MSRB3: variants seen among roughly 807,000 people sequenced by gnomAD.
MSRB3 encodes methionine-R-sulfoxide reductase B3.
In MSRB3, 13 loss-of-function variants were observed where a neutral mutation model predicts 21.0. The observed-to-expected ratio is 0.62, with a 90% confidence interval of 0.40 to 0.98. The LOEUF (loss-of-function observed/expected upper bound fraction) is 0.98. Ranked by LOEUF, MSRB3 falls within the 50% of genes least tolerant of loss-of-function variation. The probability of loss-of-function intolerance (pLI) is 0.00; values close to 1 mark genes in which losing one functional copy is unlikely to be tolerated. For missense variants in MSRB3, 199 were observed against 230.3 expected, an observed-to-expected ratio of 0.86 and a Z score of 0.88; for synonymous variants, 87 against 88.6, an observed-to-expected ratio of 0.98 and a Z score of 0.10.
At position 65,291,328 on chromosome 12, in the gene MSRB3, T is replaced by C. The variant is rs150402145; in HGVS notation, c.-52+12463T>C. ...CTTGAACTCCTGACCTCAGGTGATC[T>C]GCCCACCTCGGCCCCCCAAAGTGCT... is the stretch of plus-strand genomic sequence containing the variant. On this transcript the variant is annotated intron_variant, in intron 1 of 6. Coordinates refer to ENST00000308259, the MANE Select transcript of MSRB3 (RefSeq NM_001031679.3). 8.1e-3 allele frequency among the ~76,000 whole-genome samples: 1,238 copies of C among 152,096 alleles called. 18 individuals carry two copies. The highest frequency in any genetic ancestry group is 0.029 in the African/African-American group (1,196 of 41,496).
intron 1 of MSRB3, among the ~76,000 whole-genome samples, chr12:65,295,474 T>G (rs1373553702): frequency 6.6e-6 from 1 of 152,170 alleles, no homozygotes; most frequent in Non-Finnish European, 1.5e-5. Flanking sequence ...CACCACAACT[T>G]TTAATGTTAA....
chr12:65,375,097 G>A (rs1268423846), intron 5 of MSRB3, among the ~76,000 whole-genome samples: 1 of 150,846 alleles, frequency 6.6e-6, no homozygotes, highest in Non-Finnish European at 1.5e-5. Context: ...AGCTCGCCTC[G>A]GCCTCCCGAA....
rs780555275 is a variant in MSRB3 at position 65,278,696 on chromosome 12, C to G, written c.-221C>G. The G allele has an allele frequency of 7.4e-7, 1 of 1,345,586 alleles. No homozygotes were observed. The highest frequency in any genetic ancestry group is 1.4e-5 in the African/African-American group (1 of 69,418). The allele number at this position is 1,345,586 out of a possible 1,614,324, so 83.4% of individuals were successfully genotyped here. On this transcript the variant is annotated 5_prime_UTR_variant, in exon 1 of 7. Coordinates refer to ENST00000308259, the MANE Select transcript of MSRB3 (RefSeq NM_001031679.3). ...GAATTTCCCGTCATGCCTCCCGCCG[C>G]CCCGTCCGTCGCCCGGAGCCGGGGA...
intron 4 of MSRB3, among the ~76,000 whole-genome samples, chr12:65,368,161 C>G (rs1287589260): frequency 2.0e-5 from 3 of 151,980 alleles, no homozygotes; most frequent in Non-Finnish European, 4.4e-5. Context: ...TACATTTCTC[C>G]AGGAAAAAAA....
Position 65,463,587 on chromosome 12 carries a change from T to A in MSRB3, c.*265T>A, listed in dbSNP as rs975502415. 11 of 437,400 alleles carry A rather than the reference T, an allele frequency of 2.5e-5. No homozygotes were observed. The highest frequency in any genetic ancestry group is 3.7e-5 in the Non-Finnish European group (9 of 241,524). The allele number at this position is 437,400 out of a possible 1,614,324, so 27.1% of individuals were successfully genotyped here. A position where few individuals can be genotyped will look rare whatever the true frequency, so the allele number is the denominator to read the frequency against. On this transcript the variant is annotated 3_prime_UTR_variant, in exon 7 of 7. Coordinates refer to ENST00000308259, the MANE Select transcript of MSRB3 (RefSeq NM_001031679.3). ...GCCACTTATACCCTTTGGCATTCTTTTCTTTGAGCACATGGCTTCTTTTGC... is the reference window on the plus strand; with the variant it reads ...GCCACTTATACCCTTTGGCATTCTTATCTTTGAGCACATGGCTTCTTTTGC...
intron 4 of MSRB3, among the ~76,000 whole-genome samples, chr12:65,367,134 G>C (rs143208121): frequency 6.6e-6 from 1 of 152,206 alleles, no homozygotes; most frequent in Non-Finnish European, 1.5e-5. Context: ...TTCAAGGACC[G>C]AATATGTTGG....
chr12:65,422,428 A>ATTTATT (rs1555212225), intron 5 of MSRB3, among the ~76,000 whole-genome samples: 35 of 73,362 alleles, frequency 4.8e-4, no homozygotes, highest in South Asian at 3.2e-3. Flanking sequence ...ATATATATAT[A>ATTTATT]TATTTATTTA....
chr12:65,289,641 A>C (rs1872568847), intron 1 of MSRB3, among the ~76,000 whole-genome samples: 2 of 152,280 alleles, frequency 1.3e-5, no homozygotes, highest in South Asian at 4.2e-4. Flanking sequence ...TTTGGTGTAC[A>C]GATAATTTTG....
chr12:65,335,002 A>C (rs1385477445), intron 4 of MSRB3, among the ~76,000 whole-genome samples: 1 of 152,134 alleles, frequency 6.6e-6, no homozygotes, highest in East Asian at 1.9e-4. Context: ...TACTACTGGA[A>C]ATTTTTGTGT....
intron 4 of MSRB3, among the ~76,000 whole-genome samples, chr12:65,360,845 T>C (rs1367197982): frequency 2.6e-5 from 4 of 152,176 alleles, no homozygotes; most frequent in Admixed American, 2.6e-4. Context: ...AGTGGGAGAA[T>C]GTTTTATTTG....
chr12:65,362,811 T>C lies in MSRB3; in HGVS notation c.264-6187T>C, dbSNP rs116279871. On this transcript the variant is annotated intron_variant, in intron 4 of 6. Coordinates refer to ENST00000308259, the MANE Select transcript of MSRB3 (RefSeq NM_001031679.3). ...AAGCATTCCACGCAGAGGAAGCATA[T>C]TGTGTTCATGTAAATTGAAAGGGCA... 1.3e-3 allele frequency among the ~76,000 whole-genome samples: 193 copies of C among 152,224 alleles called. 2 individuals carry two copies. Among genetic ancestry groups the C allele is most frequent in the African/African-American group, 4.2e-3 (175 of 41,542 alleles).
intron 5 of MSRB3, among the ~76,000 whole-genome samples, chr12:65,401,928 G>C (rs1020895514): frequency 2.0e-5 from 3 of 152,154 alleles, no homozygotes; most frequent in African/African-American, 7.2e-5. Flanking sequence ...TAAGAATGTT[G>C]AATATTGACC....
chr12:65,414,142 GT>G (rs1197338092), intron 5 of MSRB3, among the ~76,000 whole-genome samples: 1 of 152,134 alleles, frequency 6.6e-6, no homozygotes, highest in Non-Finnish European at 1.5e-5. Flanking sequence ...CCACCAGATG[GT>G]TTTGAATAGA....
At chr12:65,356,969 T>C (rs1458487113) in intron 4 of MSRB3, among the ~76,000 whole-genome samples, 1 of 151,890 alleles carries the variant, frequency 6.6e-6, no homozygotes, top group Non-Finnish European at 1.5e-5. Context: ...GAAAATTATA[T>C]GAATCTAATA....
chr12:65,307,435 G>A (rs1873721794), intron 1 of MSRB3, among the ~76,000 whole-genome samples: 1 of 152,164 alleles, frequency 6.6e-6, no homozygotes, highest in African/African-American at 2.4e-5. Flanking sequence ...AAGGAGGTCA[G>A]AAGAGTCCGG....
At chr12:65,419,660 G>T in intron 5 of MSRB3, 1 of 714,178 alleles carries the variant, frequency 1.4e-6, no homozygotes. Context: ...CTGACCTGGG[G>T]TCCTGTCTTC....
chr12:65,379,260 C>G (rs1320271365), intron 5 of MSRB3, among the ~76,000 whole-genome samples: 2 of 152,020 alleles, frequency 1.3e-5, no homozygotes, highest in Non-Finnish European at 2.9e-5. Context: ...TAAAAGATAG[C>G]CTTGCTGTTG....
At chr12:65,461,017 T>A (rs980217534) in intron 6 of MSRB3, among the ~76,000 whole-genome samples, 6 of 152,222 alleles carry the variant, frequency 3.9e-5, no homozygotes, top group African/African-American at 1.4e-4. Context: ...CAAGAGATTA[T>A]TAGCAAAGGC....
At chr12:65,344,543 G>C (rs1025823341) in intron 4 of MSRB3, among the ~76,000 whole-genome samples, 1 of 151,896 alleles carries the variant, frequency 6.6e-6, no homozygotes, top group Non-Finnish European at 1.5e-5. Flanking sequence ...GACATAAAGT[G>C]GTATGTGTAT....
Sources: gnomAD v4.1 joint callset for allele counts (sites outside exome capture counted in the v4.1 genomes callset) on GRCh38, gnomAD v4.1.1 for gene constraint, MANE v1.5 for transcripts, NCBI Gene and HGNC (gene_info 2026-07-23, HGNC 2026-07-21) for gene names.